The following RLF variants were observed in gnomAD, a reference collection of about 807,000 sequenced individuals.
RLF encodes the protein RLF zinc finger.
Under a neutral mutation model 162.9 loss-of-function variants are expected in RLF, and 7 were observed. The observed-to-expected ratio is 0.04, with a 90% CI of 0.02 to 0.08. The LOEUF is 0.08. Among genes scored for constraint, RLF ranks in the 10% least tolerant of loss-of-function variants. The pLI is 1.00. For missense variants in RLF, 1,664 were observed against 2,244.7 expected (o/e 0.74, Z 5.23); for synonymous variants, 782 against 791.5 (o/e 0.99, Z 0.20).
intron 1 of RLF, among the ~76,000 whole-genome samples, chr1:40,181,672 A>G (rs918148705): frequency 3.3e-5 from 5 of 152,248 alleles, no homozygotes; most frequent in African/African-American, 1.2e-4. Flanking sequence ...TGTAAATTGA[A>G]TAAACAAAGT....
intron 1 of RLF, among the ~76,000 whole-genome samples, chr1:40,175,470 G>A (rs997868124): frequency 3.9e-5 from 6 of 152,002 alleles, no homozygotes; most frequent in Non-Finnish European, 7.4e-5. Context: ...CCAGTATGGT[G>A]AAACCCTGTC....
intron 1 of RLF, among the ~76,000 whole-genome samples, chr1:40,174,522 A>G (rs1358557176): frequency 6.6e-6 from 1 of 152,234 alleles, no homozygotes; most frequent in African/African-American, 2.4e-5. Context: ...CCAAAATTAT[A>G]TAACTCTATT....
chr1:40,167,827 A>T (rs1437529933), intron 1 of RLF, among the ~76,000 whole-genome samples: 1 of 151,504 alleles, frequency 6.6e-6, no homozygotes, highest in Non-Finnish European at 1.5e-5. Context: ...ATGGGTACTC[A>T]CTAAATGCTT....
chr1:40,235,717 A>C, intron 7 of RLF, 75 bp from the exon 8 acceptor site: 1 of 1,110,322 alleles, frequency 9.0e-7, no homozygotes, highest in Non-Finnish European at 1.2e-6. Flanking sequence ...TACAAGCTAA[A>C]ATTCCTTATC....
Position 40,161,600 on chromosome 1 carries a change from G to A in RLF, c.201G>A (p.Glu67=), listed in dbSNP as rs1239439030. ...ETELREQEVS[E]VSSLNYCRSF... ...AGCTGAGGGAGCAAGAGGTGTCGGAGGTCTCATCTTTGAACTACTGCCGGA... is the reference window on the plus strand; with the variant it reads ...AGCTGAGGGAGCAAGAGGTGTCGGAAGTCTCATCTTTGAACTACTGCCGGA... The change falls in exon 1 of 8, where the codon GAG becomes GAA. Residue 67 remains glutamate, a synonymous_variant. Transcript: ENST00000372771. The surrounding 1 kb of genome is among the most constrained non-coding windows in gnomAD (Gnocchi z 4.4). 1 of 1,613,266 alleles carries A rather than the reference G, an allele frequency of 6.2e-7. No individual in the cohort carries two copies. The highest frequency in any genetic ancestry group is 1.3e-5 in the African/African-American group (1 of 74,998).
chr1:40,174,047 CTG>C (rs1236641423), intron 1 of RLF, among the ~76,000 whole-genome samples: 1 of 152,140 alleles, frequency 6.6e-6, no homozygotes, highest in African/African-American at 2.4e-5. Flanking sequence ...ACTGGAAAGA[CTG>C]TAGTGCTTTC....
intron 1 of RLF, among the ~76,000 whole-genome samples, chr1:40,167,030 G>A (rs183664806): frequency 1.8e-4 from 27 of 152,208 alleles, no homozygotes; most frequent in Admixed American, 1.8e-3. Context: ...TTACTATAAA[G>A]GAACAGGATA....
chr1:40,220,767 A>G (rs1306551658), intron 5 of RLF, among the ~76,000 whole-genome samples: 1 of 152,140 alleles, frequency 6.6e-6, no homozygotes, highest in African/African-American at 2.4e-5. Flanking sequence ...TATTATTTAT[A>G]GAGCTGTGCT....
rs1361257761 is a variant in RLF, at chr1:40,177,184, C to T, written c.238-11871C>T. ...TATTTTTAGATGAGACAGGGTTTCG[C>T]CATGTTGGCCAGGCTGGTCTTGAAC... On this transcript the variant is annotated intron_variant, in intron 1 of 7. Coordinates refer to ENST00000372771, the MANE Select transcript of RLF (RefSeq NM_012421.4). 2.0e-5 allele frequency among the ~76,000 whole-genome samples: 3 copies of T among 152,134 alleles called. 1 individual carries two copies. The East Asian group carries it at 5.8e-4, about 29-fold the overall frequency.
chr1:40,237,567 C>G lies in RLF; in HGVS notation c.2865C>G (p.Thr955=), dbSNP rs1191522900. ...TTTGTTTTGACGGGACTAAGTTTACCTGTGGTTTTGATGGCTGTGGTTCCA... is the reference window on the plus strand; with the variant it reads ...TTTGTTTTGACGGGACTAAGTTTACGTGTGGTTTTGATGGCTGTGGTTCCA... ...MAVCFDGTKF[T]CGFDGCGSTY... Residue 955 remains threonine (T), a synonymous_variant, in exon 8 of 8, where the codon ACC becomes ACG. Transcript: ENST00000372771. This position sits in a 1 kb window ranked among gnomAD's most constrained non-coding sequence, Gnocchi z 4.4. 9.3e-6 allele frequency: 15 copies of G among 1,614,062 alleles called. No individual in the cohort carries two copies. The highest frequency in any genetic ancestry group is 1.3e-5 in the Non-Finnish European group (15 of 1,179,998).
intron 1 of RLF, among the ~76,000 whole-genome samples, chr1:40,188,310 A>G (rs1642510574): frequency 6.6e-6 from 1 of 152,204 alleles, no homozygotes; most frequent in Admixed American, 6.5e-5. Context: ...CATATAATTT[A>G]TCAGGCTTTA....
chr1:40,223,686 A>G (rs1175050048), intron 6 of RLF, among the ~76,000 whole-genome samples: 1 of 152,008 alleles, frequency 6.6e-6, no homozygotes, highest in Non-Finnish European at 1.5e-5. Context: ...TTTGTTTATT[A>G]TTTTATGTAG....
At position 40,236,236 on chromosome 1, in the gene RLF, A is replaced by G; in HGVS notation, c.1534A>G (p.Ser512Gly). ...NDTDVLESFL[S>G]DYDEGKEDKQ... is the part of the protein sequence containing the mutation. ...CACAGATGTTTTAGAGTCATTTCTC[A>G]GTGACTATGATGAGGGTAAAGAAGA... Residue 512 changes from serine (S) to glycine (G), a missense_variant, in exon 8 of 8, where the codon AGT (serine) becomes GGT (glycine). Physicochemically the swap from Ser to Gly is moderately conservative, Grantham distance 56 (BLOSUM62 0). Around this residue, in one of 15 missense-constraint regions of RLF, gnomAD observed 54 missense variants for 71.7 expected, o/e 0.75. Transcript: ENST00000372771. The surrounding 1 kb of genome is among the most constrained non-coding windows in gnomAD (Gnocchi z 7.7). 1 of 1,613,962 alleles carries G rather than the reference A, an allele frequency of 6.2e-7. No individual in the cohort carries two copies. Among genetic ancestry groups the G allele is most frequent in the East Asian group, 2.2e-5 (1 of 44,878 alleles).
chr1:40,192,590 TG>T (rs1358568882), intron 3 of RLF, among the ~76,000 whole-genome samples: 4 of 152,216 alleles, frequency 2.6e-5, no homozygotes, highest in African/African-American at 9.6e-5. Context: ...ATAAAATAGT[TG>T]CCTCTTTTTC....
rs1005418216 is a variant in RLF at position 40,229,448 on chromosome 1, CTTTTTTTTTTT to C, written c.948-2055_948-2045del. ...ATCCTGTTAAGCTTTATTCATTTAT[CTTTTTTTTTTT>C]TTTTTTTTTTTTTGAGACAGAGTCT... On this transcript the variant is annotated intron_variant, in intron 6 of 7. Coordinates refer to ENST00000372771, the MANE Select transcript of RLF (RefSeq NM_012421.4). Among the ~76,000 whole-genome samples the C allele has an allele frequency of 1.4e-4, 13 of 90,980 alleles. No homozygotes were observed. In the East Asian group the frequency reaches 3.7e-3, roughly 26 times the overall value. The allele number at this position is 90,980 out of a possible 152,430, so 59.7% of individuals were successfully genotyped here.
At chr1:40,222,425 T>A (rs935664844) in intron 5 of RLF, 149 bp from the exon 6 acceptor site, 18 of 640,700 alleles carry the variant, frequency 2.8e-5, no homozygotes, top group Middle Eastern at 4.3e-4. Context: ...TATTTTCTTA[T>A]GTGAAATATT....
chr1:40,240,067 G>A lies in RLF; in HGVS notation c.5365G>A (p.Asp1789Asn), dbSNP rs751373661. The change falls in exon 8 of 8, where the codon GAT becomes AAT. Residue 1789 changes from aspartate (D) to asparagine (N), a missense_variant. Asp to Asn is a conservative substitution (Grantham distance 23). Coordinates refer to ENST00000372771, the MANE Select transcript of RLF (RefSeq NM_012421.4). ...ESEEKEDDFD[D>N]WEPSEHLTLS... ...TGAAGAGAAAGAAGATGATTTTGAT[G>A]ATTGGGAGCCTTCAGAGCACTTAAC... 2.5e-6 allele frequency: 4 copies of A among 1,614,112 alleles called. No homozygotes were observed. Among genetic ancestry groups the A allele is most frequent in the Non-Finnish European group, 2.5e-6 (3 of 1,179,982 alleles).
rs200307571 is a variant in RLF, at chr1:40,190,824, G to A, written c.445G>A (p.Val149Ile). 1.9e-6 allele frequency: 3 copies of A among 1,613,088 alleles called. No homozygotes were observed. The highest frequency in any genetic ancestry group is 1.6e-4 in the Middle Eastern group (1 of 6,080). The change falls in exon 3 of 8, where the codon GTC becomes ATC. Residue 149 changes from valine to isoleucine, a missense_variant. This residue lies in a region of RLF where 287 missense variants were observed against 404.9 expected (regional missense o/e 0.71). Transcript: ENST00000372771. The stretch of plus-strand genomic sequence containing the variant: ...GTCTGAAAGTGAACTGCCATGTGAA[G>A]TCTGGCTACCATTCCTTCAGTCTCT... ...SVSESELPCE[V>I]WLPFLQSLQE...
chr1:40,187,757 C>CA (rs1378100035), intron 1 of RLF, among the ~76,000 whole-genome samples: 1 of 152,084 alleles, frequency 6.6e-6, no homozygotes, highest in Non-Finnish European at 1.5e-5. Context: ...TGCTAACAGT[C>CA]AGTTACCAGA....
Sources: allele counts gnomAD v4.1 joint callset (sites outside exome capture counted in the v4.1 genomes callset), GRCh38; gene constraint gnomAD v4.1.1; regional missense constraint gnomAD v4.1.1; non-coding constraint Gnocchi (gnomAD v3.1); transcripts MANE v1.5; gene names NCBI Gene and HGNC (gene_info 2026-07-23, HGNC 2026-07-21).